SHANK2: variants seen among roughly 807,000 people sequenced by gnomAD.
SHANK2 encodes the protein SH3 and multiple ankyrin repeat domains 2, also known as SH3 and multiple ankyrin repeat domains protein 2.
In SHANK2, 43 loss-of-function variants were observed where a neutral mutation model predicts 133.7. That is an observed-to-expected ratio of 0.32 (90% CI 0.25 to 0.41). The LOEUF is 0.41. Among genes scored for constraint, SHANK2 ranks in the 10% least tolerant of loss-of-function variants. SHANK2 has a pLI of 1.00. For synonymous variants in SHANK2, 1,017 were observed against 952.8 expected, an observed-to-expected ratio of 1.07 and a Z score of -1.24; for missense variants, 1,994 against 2,235.8, an observed-to-expected ratio of 0.89 and a Z score of 2.18.
chr11:70,746,279 G>T (rs923589174), intron 14 of SHANK2, among the ~76,000 whole-genome samples: 2 of 151,266 alleles, frequency 1.3e-5, no homozygotes, highest in Non-Finnish European at 3.0e-5. Flanking sequence ...AGGGAAGGCT[G>T]GGCCTCCCTT....
chr11:70,746,964 C>T (rs1470741064), intron 14 of SHANK2, among the ~76,000 whole-genome samples: 3 of 146,308 alleles, frequency 2.1e-5, no homozygotes, highest in African/African-American at 5.1e-5. Flanking sequence ...CCTCCCTCCA[C>T]CCCAGCACTC....
At position 71,188,071 on chromosome 11, in the gene SHANK2, C is replaced by G. The variant is rs1336375686; in HGVS notation, c.-13+36626G>C. On this transcript the variant is annotated intron_variant, in intron 2 of 25. Coordinates refer to ENST00000601538, the MANE Select transcript of SHANK2 (RefSeq NM_012309.5). This position sits in a 1 kb window ranked among gnomAD's most constrained non-coding sequence, Gnocchi z 4.6. ...TAACCTGGCGGGTCAAAGGTCAGAC[C>G]CCACACAGTCCTTGCCACCACACAT... Among the ~76,000 whole-genome samples the G allele has an allele frequency of 6.6e-6, 1 of 152,126 alleles. No individual in the cohort carries two copies. The highest frequency in any genetic ancestry group is 2.4e-5 in the African/African-American group (1 of 41,412).
Position 70,543,236 on chromosome 11 carries a change from T to C in SHANK2, c.2062-40305A>G, listed in dbSNP as rs543098832. Among the ~76,000 whole-genome samples, 259 of 152,298 alleles carry C rather than the reference T, an allele frequency of 1.7e-3. 2 individuals are homozygous for C. The highest frequency in any genetic ancestry group is 5.9e-3 in the African/African-American group (247 of 41,558). On this transcript the variant is annotated intron_variant, in intron 17 of 25. Coordinates refer to ENST00000601538, the MANE Select transcript of SHANK2 (RefSeq NM_012309.5). ...GGTATTTGGTTTTCCTCTCCTCTAC[T>C]GACACATGGCTCCTAAAATCTCAGG...
chr11:70,818,274 C>T lies in SHANK2; in HGVS notation c.1493+2090G>A, dbSNP rs1212917604. On this transcript the variant is annotated intron_variant, in intron 12 of 25. Transcript: ENST00000601538. ...GGCAAATGCACACAGACCAAAAAAA[C>T]ACAAAAATGCATGCACATACATACA... Among the ~76,000 whole-genome samples the T allele has an allele frequency of 5.9e-5, 9 of 152,302 alleles. No homozygotes were observed. In the East Asian group the frequency reaches 1.7e-3, roughly 29 times the overall value.
intron 10 of SHANK2, among the ~76,000 whole-genome samples, chr11:70,897,941 TACACAC>T (rs142602596): frequency 1.0e-4 from 15 of 149,284 alleles, no homozygotes; most frequent in Middle Eastern, 3.5e-3. Context: ...AATATACATA[TACACAC>T]ACACACACAC....
chr11:71,227,549 A>T (rs1555122408), intron 1 of SHANK2, among the ~76,000 whole-genome samples: 2 of 152,246 alleles, frequency 1.3e-5, no homozygotes, highest in Non-Finnish European at 1.5e-5. Context: ...ACAACAGAGG[A>T]GCAAAATACA....
intron 14 of SHANK2, among the ~76,000 whole-genome samples, chr11:70,718,795 A>G (rs1946010787): frequency 6.7e-6 from 1 of 148,460 alleles, no homozygotes; most frequent in South Asian, 2.1e-4. Context: ...TGGGTTAGAA[A>G]ACGGATTAGA....
intron 2 of SHANK2, among the ~76,000 whole-genome samples, chr11:71,183,789 G>A (rs1382169758): frequency 6.6e-6 from 1 of 152,140 alleles, no homozygotes; most frequent in Non-Finnish European, 1.5e-5. Flanking sequence ...GGAGACAGGT[G>A]CCCAAGTCAC....
At chr11:70,716,895 G>GCCCCCCCCCCCCCCCACCCGACCCC (rs60827522) in intron 14 of SHANK2, among the ~76,000 whole-genome samples, 3 of 138,392 alleles carry the variant, frequency 2.2e-5, no homozygotes, top group Non-Finnish European at 4.6e-5. Context: ...GGGTCCCGGA[G>GCCCCCCCCCCCCCCCACCCGACCCC]CCCCCCCCCC....
intron 6 of SHANK2, among the ~76,000 whole-genome samples, chr11:71,106,851 G>A (rs1446445499): frequency 2.0e-5 from 3 of 152,026 alleles, no homozygotes; most frequent in Non-Finnish European, 4.4e-5. Context: ...GAGGCCAGGC[G>A]TGGTGGCACA....
At chr11:70,775,637 G>A (rs907390640) in intron 14 of SHANK2, among the ~76,000 whole-genome samples, 10 of 152,146 alleles carry the variant, frequency 6.6e-5, no homozygotes, top group African/African-American at 1.7e-4. Context: ...CTAGAAACAC[G>A]GGTTCCTCCC....
intron 12 of SHANK2, among the ~76,000 whole-genome samples, chr11:70,813,860 C>T (rs886934766): frequency 1.3e-5 from 2 of 152,204 alleles, no homozygotes; most frequent in African/African-American, 2.4e-5. Context: ...GAGGGCTTCA[C>T]GCTGCCTCTG....
intron 9 of SHANK2, among the ~76,000 whole-genome samples, chr11:71,072,168 G>A (rs953330235): frequency 2.0e-5 from 3 of 152,164 alleles, no homozygotes; most frequent in Non-Finnish European, 2.9e-5. Flanking sequence ...TCCTAAAGCA[G>A]TGCCTGCACC....
At chr11:71,210,425 AT>A (rs1954249335) in intron 2 of SHANK2, among the ~76,000 whole-genome samples, 1 of 150,088 alleles carries the variant, frequency 6.7e-6, no homozygotes, top group African/African-American at 2.5e-5. Context: ...ATTTTTTTGT[AT>A]TTTTAGTAGA....
At chr11:70,834,796 C>A (rs1043353133) in intron 11 of SHANK2, among the ~76,000 whole-genome samples, 1 of 152,168 alleles carries the variant, frequency 6.6e-6, no homozygotes, top group African/African-American at 2.4e-5. Flanking sequence ...TTGAGGGAAG[C>A]TTTGCTCCTG....
intron 17 of SHANK2, among the ~76,000 whole-genome samples, chr11:70,658,896 C>T (rs1457314234): frequency 3.3e-5 from 5 of 152,238 alleles, no homozygotes; most frequent in African/African-American, 1.2e-4. Context: ...TTCTGATGTA[C>T]ACGAGGCTGG....
intron 2 of SHANK2, among the ~76,000 whole-genome samples, chr11:71,177,252 A>G (rs1267382041): frequency 6.6e-6 from 1 of 152,228 alleles, no homozygotes; most frequent in Non-Finnish European, 1.5e-5. Flanking sequence ...ATGATCAGAA[A>G]TGGTAACCAT....
rs537451757 is a variant in SHANK2 at position 70,923,008 on chromosome 11, C to T, written c.1108-26441G>A. Among the ~76,000 whole-genome samples the T allele has an allele frequency of 8.2e-4, 125 of 152,166 alleles. 1 individual carries two copies. Among genetic ancestry groups the T allele is most frequent in the South Asian group, 7.1e-3 (34 of 4,812 alleles). ...AACTTACGATTAATGAGTTAAAGTA[C>T]CTATTATATTACTATAAATCTACAA... On this transcript the variant is annotated intron_variant, in intron 10 of 25. Transcript: ENST00000601538.
At position 70,657,356 on chromosome 11, in the gene SHANK2, C is replaced by T. The variant is rs536765376; in HGVS notation, c.2061+2472G>A. Among the ~76,000 whole-genome samples, 6 of 152,310 alleles carry T rather than the reference C, an allele frequency of 3.9e-5. No homozygotes were observed. The East Asian group carries it at 1.2e-3, about 29-fold the overall frequency. ...CCATCCCTCCAAGGTCAAAGCTCTT[C>T]ACTAAAAATAGAGAAACATGGTCTG... On this transcript the variant is annotated intron_variant, in intron 17 of 25. Transcript: ENST00000601538.
Sources: allele counts gnomAD v4.1 joint callset (sites outside exome capture counted in the v4.1 genomes callset), GRCh38; gene constraint gnomAD v4.1.1; non-coding constraint Gnocchi (gnomAD v3.1); transcripts MANE v1.5; gene names NCBI Gene and HGNC (gene_info 2026-07-23, HGNC 2026-07-21).